The following PDE4D variants were observed in gnomAD, a reference collection of about 807,000 sequenced individuals.
PDE4D encodes the protein 3',5'-cyclic-AMP phosphodiesterase 4D.
In PDE4D, 24 loss-of-function variants were observed where a neutral mutation model predicts 87.4. The observed-to-expected ratio is 0.27, with a 90% confidence interval of 0.20 to 0.39. The LOEUF (loss-of-function observed/expected upper bound fraction) is 0.39, where lower values mean the gene tolerates loss of function less well. Ranked by LOEUF, PDE4D falls within the 10% of genes least tolerant of loss-of-function variation. The pLI is 1.00. For missense variants in PDE4D, 714 were observed against 1,041.0 expected, an observed-to-expected ratio of 0.69 and a Z score of 4.32; for synonymous variants, 384 against 383.2, an observed-to-expected ratio of 1.00 and a Z score of -0.02.
chr5:59,708,796 G>A (rs906026153), intron 1 of PDE4D, among the ~76,000 whole-genome samples: 1 of 151,980 alleles, frequency 6.6e-6, no homozygotes, highest in Non-Finnish European at 1.5e-5. Flanking sequence ...TGATAAAGAG[G>A]TATTACCTAA....
intron 2 of PDE4D, among the ~76,000 whole-genome samples, chr5:60,006,664 A>G (rs1047528596): frequency 5.9e-5 from 9 of 151,996 alleles, no homozygotes; most frequent in Non-Finnish European, 1.3e-4. Context: ...TATTAAGGTT[A>G]TGTGGCACTG....
intron 1 of PDE4D, among the ~76,000 whole-genome samples, chr5:60,352,633 G>A (rs1198294266): frequency 6.6e-6 from 1 of 152,146 alleles, no homozygotes; most frequent in Non-Finnish European, 1.5e-5. Flanking sequence ...GACCCTGAAG[G>A]CAAAACATTT....
chr5:60,051,392 A>G (rs1422550669), intron 2 of PDE4D, among the ~76,000 whole-genome samples: 1 of 152,200 alleles, frequency 6.6e-6, no homozygotes, highest in South Asian at 2.1e-4. Flanking sequence ...CTCACTCAAA[A>G]CCACACAACT....
At chr5:59,245,658 C>T (rs1213864838) in intron 1 of PDE4D, among the ~76,000 whole-genome samples, 1 of 152,110 alleles carries the variant, frequency 6.6e-6, no homozygotes, top group African/African-American at 2.4e-5. Context: ...GTATGTATGT[C>T]TATCTGTACT....
chr5:59,840,983 C>G (rs190458), intron 1 of PDE4D, among the ~76,000 whole-genome samples: 19,260 of 151,918 alleles, frequency 0.13, 1,584 homozygotes, highest in Middle Eastern at 0.23. Context: ...ATGTTTTGTC[C>G]CAAGGTGTAG....
At position 59,224,293 on chromosome 5, in the gene PDE4D, T is replaced by TACACACAC. The variant is rs35273659; in HGVS notation, c.456-8333_456-8326dup. On this transcript the variant is annotated intron_variant, in intron 1 of 14. Transcript: ENST00000340635. ...TGAGATCCTGTCATACACACACACA[T>TACACACAC]ACACACACACACACACACACACACA... 5.8e-3 allele frequency among the ~76,000 whole-genome samples: 783 copies of TACACACAC among 135,480 alleles called. 6 individuals carry two copies. The highest frequency in any genetic ancestry group is 0.019 in the African/African-American group (725 of 37,838). The allele number at this position is 135,480 out of a possible 152,430, so 88.9% of individuals were successfully genotyped here.
At chr5:59,395,357 C>T (rs1206010153) in intron 1 of PDE4D, among the ~76,000 whole-genome samples, 2 of 152,212 alleles carry the variant, frequency 1.3e-5, no homozygotes, top group African/African-American at 4.8e-5. Context: ...TTCAAGAGAG[C>T]AGTGGTTCTC....
At position 60,343,045 on chromosome 5, in the gene PDE4D, G is replaced by C. The variant is rs150413590; in HGVS notation, c.-90+144897C>G. On this transcript the variant is annotated intron_variant, in intron 1 of 16. Coordinates refer to the PDE4D transcript ENST00000502484. The stretch of plus-strand genomic sequence containing the variant: ...AATATGTATTCTTTCAGTTTTGCAG[G>C]ACAAAGCTAAGCTCAACTCTAAAGG... 6.4e-3 allele frequency among the ~76,000 whole-genome samples: 976 copies of C among 152,170 alleles called. 7 individuals carry two copies. The highest frequency in any genetic ancestry group is 0.023 in the African/African-American group (941 of 41,534).
chr5:60,378,180 T>C (rs1180616381), intron 1 of PDE4D, among the ~76,000 whole-genome samples: 2 of 152,222 alleles, frequency 1.3e-5, no homozygotes, highest in Non-Finnish European at 2.9e-5. Context: ...AATACACTGG[T>C]ATTTCAATAA....
At chr5:59,698,674 T>C (rs1402509401) in intron 1 of PDE4D, among the ~76,000 whole-genome samples, 2 of 152,166 alleles carry the variant, frequency 1.3e-5, no homozygotes, top group Non-Finnish European at 2.9e-5. Context: ...GGAATTTGCG[T>C]GACAGTCCCA....
intron 1 of PDE4D, among the ~76,000 whole-genome samples, chr5:59,281,773 T>A (rs528895613): frequency 2.6e-5 from 4 of 152,200 alleles, no homozygotes; most frequent in Non-Finnish European, 5.9e-5. Context: ...TCCGTATGAA[T>A]TTGACTACTC....
chr5:60,321,671 A>G (rs1756284448), intron 1 of PDE4D, among the ~76,000 whole-genome samples: 1 of 152,242 alleles, frequency 6.6e-6, no homozygotes, highest in Non-Finnish European at 1.5e-5. Context: ...AATATCCAGC[A>G]TCTATAAGGA....
At chr5:59,237,782 G>GGT (rs61375269) in intron 1 of PDE4D, among the ~76,000 whole-genome samples, 1,585 of 29,414 alleles carry the variant, frequency 0.054, 12 homozygotes, top group South Asian at 0.15. Context: ...CCCTCATATA[G>GGT]GTGTGTGTGT....
chr5:59,996,409 G>A lies in PDE4D; in HGVS notation c.43-7692C>T, dbSNP rs184562311. 5.3e-5 allele frequency among the ~76,000 whole-genome samples: 8 copies of A among 152,258 alleles called. No individual in the cohort carries two copies. In the East Asian group the frequency reaches 1.5e-3, roughly 29 times the overall value. ...TTGTAGTATAAACAAGATAATGTTA[G>A]TGACTCTTCAAGGACTAGGATACAA... On this transcript the variant is annotated intron_variant, in intron 2 of 16. Transcript: ENST00000502484.
intron 1 of PDE4D, among the ~76,000 whole-genome samples, chr5:60,354,556 G>A (rs986755664): frequency 1.3e-5 from 2 of 152,150 alleles, no homozygotes; most frequent in Non-Finnish European, 2.9e-5. Flanking sequence ...GCTGAAAGCT[G>A]CCAAATTATG....
At chr5:60,460,238 TG>T in intron 1 of PDE4D, 1 of 1,326,160 alleles carries the variant, frequency 7.5e-7, no homozygotes, top group Non-Finnish European at 1.1e-6. Flanking sequence ...TTCATTTCAG[TG>T]GACTTTGAAG....
At chr5:59,604,947 C>T (rs1827992766) in intron 1 of PDE4D, among the ~76,000 whole-genome samples, 2 of 152,042 alleles carry the variant, frequency 1.3e-5, no homozygotes, top group African/African-American at 2.4e-5. Flanking sequence ...TGCACACAAA[C>T]ATACACACAC....
At chr5:60,238,907 G>T (rs149499663) in intron 1 of PDE4D, among the ~76,000 whole-genome samples, 17 of 152,016 alleles carry the variant, frequency 1.1e-4, no homozygotes, top group African/African-American at 4.1e-4. Context: ...GCCTGAGGTT[G>T]CAATTTTTTT....
At chr5:59,537,366 C>A (rs167161) in intron 1 of PDE4D, among the ~76,000 whole-genome samples, 90,297 of 152,042 alleles carry the variant, frequency 0.59, 28,181 homozygotes, top group Non-Finnish European at 0.69. Flanking sequence ...TCTCCTTAGC[C>A]GACCAAAGTA....
Sources: gnomAD v4.1 joint callset for allele counts (sites outside exome capture counted in the v4.1 genomes callset) on GRCh38, gnomAD v4.1.1 for gene constraint, MANE v1.5 for transcripts, NCBI Gene and HGNC (gene_info 2026-07-23, HGNC 2026-07-21) for gene names.